AAAS: variants seen among roughly 807,000 people sequenced by gnomAD.
AAAS encodes aladin.
Under a neutral mutation model 75.6 loss-of-function variants are expected in AAAS, and 60 were observed. That is an observed-to-expected ratio of 0.79 (90% CI 0.64 to 0.98). The LOEUF (loss-of-function observed/expected upper bound fraction) is 0.98. AAAS is among the 50% of genes least tolerant of loss of function. AAAS has a pLI of 0.00. For missense variants in AAAS, 658 were observed against 686.9 expected (o/e 0.96, Z 0.47); for synonymous variants, 271 against 265.0 (o/e 1.02, Z -0.22).
At chr12:53,314,924 T>G (rs1944440283) in intron 5 of AAAS, 75 bp from the exon 6 acceptor site, 3 of 1,511,300 alleles carry the variant, frequency 2.0e-6, no homozygotes, top group Admixed American at 1.8e-5. Flanking sequence ...TCATTTCCAG[T>G]AAGGACATGG....
chr12:53,314,670 C>T lies in AAAS; in HGVS notation c.545+81G>A, dbSNP rs143147321. Reference sequence around the variant, plus strand: ...GAGCCCCATGAATCAGGTTCAAGAACTACAGGACTCCCCGGAACCAAGGCT... The same window carrying T: ...GAGCCCCATGAATCAGGTTCAAGAATTACAGGACTCCCCGGAACCAAGGCT... On this transcript the variant is annotated intron_variant, in intron 6 of 15. Transcript: ENST00000209873. 8,817 of 1,468,970 alleles carry T rather than the reference C, an allele frequency of 6.0e-3. 40 individuals carry two copies. Among genetic ancestry groups the T allele is most frequent in the Non-Finnish European group, 7.6e-3 (8,084 of 1,065,182 alleles). 91.0% of individuals were successfully genotyped at this position (1,468,970 alleles called of 1,614,324 possible).
intron 7 of AAAS, 133 bp from the exon 8 acceptor site, chr12:53,309,854 G>T (rs1224429116): frequency 7.3e-7 from 1 of 1,370,140 alleles, no homozygotes; most frequent in African/African-American, 1.4e-5. Context: ...TTGTGAAAAA[G>T]GAATAAGGAT....
At chr12:53,317,150 T>C (rs10783569) in intron 2 of AAAS, among the ~76,000 whole-genome samples, 141,239 of 151,884 alleles carry the variant, frequency 0.93, 66,540 homozygotes, top group East Asian at 1. Flanking sequence ...CAGGGCCGGG[T>C]GCGGTGGCTC....
chr12:53,313,611 A>AT (rs113763735), intron 7 of AAAS, among the ~76,000 whole-genome samples: 5,204 of 137,268 alleles, frequency 0.038, 265 homozygotes, highest in African/African-American at 0.12. Context: ...TTTATTCATA[A>AT]TTTTTTTTTT....
intron 7 of AAAS, among the ~76,000 whole-genome samples, chr12:53,312,634 A>G (rs758982761): frequency 4.0e-5 from 6 of 151,554 alleles, no homozygotes; most frequent in Non-Finnish European, 8.8e-5. Context: ...AGTCCACAAT[A>G]TTCTTTTATA....
intron 7 of AAAS, among the ~76,000 whole-genome samples, chr12:53,312,066 G>A (rs1399884489): frequency 1.1e-4 from 16 of 151,816 alleles, no homozygotes; most frequent in South Asian, 2.1e-4. Context: ...GGTGGCTCAC[G>A]CCTGTAATCC....
chr12:53,315,347 G>C lies in AAAS; in HGVS notation c.387C>G (p.Phe129Leu). The C allele has an allele frequency of 6.2e-7, 1 of 1,614,178 alleles. No individual in the cohort carries two copies. The highest frequency in any genetic ancestry group is 8.5e-7 in the Non-Finnish European group (1 of 1,180,040). ...RWASSLHGSL[F>L]PHLSLRSEDL... ...AAGCCAAACTTACAGACAGATGGGGGAACAGGGACCCATGGAGGGAAGAGG... is the reference window on the plus strand; with the variant it reads ...AAGCCAAACTTACAGACAGATGGGGCAACAGGGACCCATGGAGGGAAGAGG... The change falls in exon 4 of 16, where the codon TTC becomes TTG. Residue 129 changes from phenylalanine (F) to leucine (L), a missense_variant. Transcript: ENST00000209873.
At chr12:53,314,558 G>A in intron 6 of AAAS, 117 bp from the exon 7 acceptor site, 2 of 1,472,126 alleles carry the variant, frequency 1.4e-6, no homozygotes, top group South Asian at 2.3e-5. Context: ...AGGGGCCAGG[G>A]GCACCATAGG....
intron 6 of AAAS, 102 bp downstream of exon 6, chr12:53,314,649 C>A: frequency 7.3e-7 from 1 of 1,374,002 alleles, no homozygotes; most frequent in Non-Finnish European, 1.0e-6. Flanking sequence ...TGGAAGGAGC[C>A]CCATGAATCA....
chr12:53,321,309 G>A lies in AAAS; in HGVS notation c.123+34C>T, dbSNP rs750781826. On this transcript the variant is annotated intron_variant, in intron 1 of 15. Transcript: ENST00000209873. ...CAGTAGTCCCCGACTCCGCCCCCAT[G>A]CCTGTAGGTCCCCTCCCTCCTCGCC... 1.2e-6 allele frequency: 2 copies of A among 1,603,876 alleles called. No homozygotes were observed. The highest frequency in any genetic ancestry group is 1.1e-5 in the South Asian group (1 of 90,586).
At chr12:53,311,963 A>G (rs1441801638) in intron 7 of AAAS, among the ~76,000 whole-genome samples, 1 of 151,898 alleles carries the variant, frequency 6.6e-6, no homozygotes, top group Non-Finnish European at 1.5e-5. Context: ...TATAGTACCT[A>G]TTGTCAAGGT....
intron 15 of AAAS, 52 bp from the exon 16 acceptor site, chr12:53,307,765 C>A (rs1166318617): frequency 6.2e-7 from 1 of 1,612,828 alleles, no homozygotes; most frequent in Non-Finnish European, 8.5e-7. Context: ...AGAAGGGCCA[C>A]CTGGCAGAGC....
chr12:53,315,704 A>G (rs1345597933), intron 3 of AAAS, 23 bp downstream of exon 3: 1 of 1,612,406 alleles, frequency 6.2e-7, no homozygotes, highest in South Asian at 1.1e-5. Flanking sequence ...AAACTAGGGA[A>G]GGCTGGAGGG....
Position 53,309,670 on chromosome 12 carries a change from A to C in AAAS, c.741T>G (p.Val247=). The change falls in exon 8 of 16, where the codon GTT becomes GTG. Residue 247 remains valine, a synonymous_variant. Coordinates refer to ENST00000209873, the MANE Select transcript of AAAS (RefSeq NM_015665.6). ...QVLSHPGHTP[V]TSLAWAPSGG... ...CACTGGGGGCCCAGGCCAAGCTGGT[A>C]ACAGGTGTATGCCCAGGGTGAGACA... 1 of 1,613,548 alleles carries C rather than the reference A, an allele frequency of 6.2e-7. No individual in the cohort carries two copies. The highest frequency in any genetic ancestry group is 2.2e-5 in the East Asian group (1 of 44,884).
chr12:53,308,246 T>C (rs560884940), intron 13 of AAAS, 36 bp downstream of exon 13: 1 of 1,613,750 alleles, frequency 6.2e-7, no homozygotes, highest in Non-Finnish European at 8.5e-7. Context: ...ACTGGGAAGA[T>C]GGCTGTGGGC....
chr12:53,320,604 T>C lies in AAAS; in HGVS notation c.212A>G (p.His71Arg). The C allele has an allele frequency of 6.2e-7, 1 of 1,614,112 alleles. No individual in the cohort carries two copies. The highest frequency in any genetic ancestry group is 1.3e-5 in the African/African-American group (1 of 75,032). ...LDHGTRTAFI[H>R]HREQVWKRCI... ...TCTCTTCCACACTTGCTCCCGGTGA[T>C]GGATGAAGGCAGTTCTTGTGCCATG... Residue 71 changes from histidine (H) to arginine (R), a missense_variant, in exon 2 of 16, where the codon CAT becomes CGT. Transcript: ENST00000209873.
intron 2 of AAAS, among the ~76,000 whole-genome samples, chr12:53,318,243 T>TGTGTGTGTGTGC (rs752221609): frequency 1.0e-4 from 12 of 118,962 alleles, no homozygotes; most frequent in Non-Finnish European, 1.7e-4. Flanking sequence ...TGTGTGTGTG[T>TGTGTGTGTGTGC]GCGTGTGTGT....
rs758642254 is a variant in AAAS at position 53,321,408 on chromosome 12, C to G, written c.58G>C (p.Glu20Gln). The change falls in exon 1 of 16, where the codon GAG becomes CAG. Residue 20 changes from glutamate to glutamine, a missense_variant. By Grantham distance (29) the Glu-to-Gln change is conservative (BLOSUM62 2). Coordinates refer to ENST00000209873, the MANE Select transcript of AAAS (RefSeq NM_015665.6). ...PPPRGQVTLYEHNNELVTGSS... is the reference protein window; with the variant it reads ...PPPRGQVTLYQHNNELVTGSS... ...CCCGTCACCAGCTCGTTATTGTGCT[C>G]ATATAGGGTGACTTGACCCCGAGGC... 1 of 1,614,122 alleles carries G rather than the reference C, an allele frequency of 6.2e-7. No individual in the cohort carries two copies. The highest frequency in any genetic ancestry group is 8.5e-7 in the Non-Finnish European group (1 of 1,180,044).
chr12:53,317,047 G>T (rs112974405), intron 2 of AAAS, among the ~76,000 whole-genome samples: 1 of 151,832 alleles, frequency 6.6e-6, no homozygotes, highest in Non-Finnish European at 1.5e-5. Flanking sequence ...CCATGTTTGC[G>T]CCACTGCACT....
Sources: allele counts gnomAD v4.1 joint callset (sites outside exome capture counted in the v4.1 genomes callset), GRCh38; gene constraint gnomAD v4.1.1; transcripts MANE v1.5; gene names NCBI Gene and HGNC (gene_info 2026-07-23, HGNC 2026-07-21).